Variants in DYNC2H1 observed in about 807,000 individuals in gnomAD.
DYNC2H1 encodes cytoplasmic dynein 2 heavy chain 1.
In DYNC2H1, 410 loss-of-function variants were observed where a neutral mutation model predicts 570.0. The observed-to-expected ratio is 0.72, with a 90% confidence interval of 0.66 to 0.78. The LOEUF is 0.78. Among genes scored for constraint, DYNC2H1 ranks in the 30% least tolerant of loss-of-function variants. DYNC2H1 has a pLI of 0.00. For missense variants in DYNC2H1, 4,865 were observed against 5,046.4 expected (o/e 0.96, Z 1.09); for synonymous variants, 1,688 against 1,677.6 (o/e 1.01, Z -0.15).
intron 47 of DYNC2H1, 37 bp downstream of exon 47, chr11:103,192,301 A>G (rs1482580947): frequency 5.8e-6 from 8 of 1,390,364 alleles, no homozygotes; most frequent in Non-Finnish European, 6.6e-6. Context: ...CATAACTATT[A>G]CAAGGATTTC....
chr11:103,142,699 T>G (rs984421886), intron 17 of DYNC2H1, among the ~76,000 whole-genome samples: 1 of 152,158 alleles, frequency 6.6e-6, no homozygotes, highest in African/African-American at 2.4e-5. Context: ...CAGTTTAGAA[T>G]GTGATATGGT....
At chr11:103,230,938 T>C in intron 59 of DYNC2H1, among the ~76,000 whole-genome samples, 1 of 152,142 alleles carries the variant, frequency 6.6e-6, no homozygotes, top group East Asian at 1.9e-4. Flanking sequence ...TCTGTGCATA[T>C]GTATCTTTCT....
intron 84 of DYNC2H1, among the ~76,000 whole-genome samples, chr11:103,419,750 CT>C (rs1943414956): frequency 6.6e-6 from 1 of 152,136 alleles, no homozygotes; most frequent in Non-Finnish European, 1.5e-5. Flanking sequence ...TGCAACACCT[CT>C]ACTGCAAGGG....
At chr11:103,404,458 C>T (rs1942778131) in intron 84 of DYNC2H1, 1 of 150,216 alleles carries the variant, frequency 6.7e-6, no homozygotes, top group Non-Finnish European at 1.5e-5. Flanking sequence ...ATTAGTATAA[C>T]TGCTGCTAGT....
intron 83 of DYNC2H1, among the ~76,000 whole-genome samples, chr11:103,386,441 T>C (rs1237084067): frequency 6.9e-6 from 1 of 145,038 alleles, no homozygotes; most frequent in Non-Finnish European, 1.5e-5. Flanking sequence ...CCTCATACTT[T>C]AAAACACACC....
At chr11:103,356,359 A>G (rs1185175361) in intron 82 of DYNC2H1, among the ~76,000 whole-genome samples, 3 of 152,204 alleles carry the variant, frequency 2.0e-5, no homozygotes, top group Non-Finnish European at 4.4e-5. Flanking sequence ...TTTAAAAATT[A>G]TGATAGTATT....
rs1860045814 is a variant in DYNC2H1 at position 103,143,121 on chromosome 11, G to A, written c.2575-147G>A. 3 of 682,630 alleles carry A rather than the reference G, an allele frequency of 4.4e-6. No individual in the cohort carries two copies. In the East Asian group the frequency reaches 8.7e-5, roughly 20 times the overall value. 42.3% of individuals were successfully genotyped at this position (682,630 alleles called of 1,614,324 possible). ...TTTTTCTGTTTATTCTTTAGGCTGT[G>A]CAGTAATGATTATATTACTTAAATT... On this transcript the variant is annotated intron_variant, in intron 17 of 88. Transcript: ENST00000375735.
intron 63 of DYNC2H1, among the ~76,000 whole-genome samples, chr11:103,242,211 A>G (rs774766339): frequency 6.6e-6 from 1 of 152,170 alleles, no homozygotes; most frequent in Non-Finnish European, 1.5e-5. Context: ...ACATGCATAT[A>G]TATACATACA....
At chr11:103,224,050 A>G (rs1325304503) in intron 59 of DYNC2H1, among the ~76,000 whole-genome samples, 1 of 152,030 alleles carries the variant, frequency 6.6e-6, no homozygotes, top group Non-Finnish European at 1.5e-5. Context: ...CTTGCTGGAA[A>G]TTTAAGGCTT....
In DYNC2H1 at chr11:103,154,661, G is replaced by A. The variant is rs574945270; in HGVS notation, c.3459-34G>A. On this transcript the variant is annotated intron_variant, in intron 23 of 88. Transcript: ENST00000375735. Reference sequence around the variant, plus strand: ...TAATTTGGTTGTTTTATTTTTGGATGTAATCTTTGCAATGTGTTTTTGGTA... The same window carrying A: ...TAATTTGGTTGTTTTATTTTTGGATATAATCTTTGCAATGTGTTTTTGGTA... The A allele has an allele frequency of 1.9e-5, 30 of 1,566,714 alleles. No individual in the cohort carries two copies. The East Asian group carries it at 6.0e-4, about 31-fold the overall frequency.
intron 84 of DYNC2H1, among the ~76,000 whole-genome samples, chr11:103,408,683 T>C (rs1314150105): frequency 6.6e-6 from 1 of 152,032 alleles, no homozygotes; most frequent in African/African-American, 2.4e-5. Context: ...TGATCCAACA[T>C]TGAGGTCGTA....
intron 40 of DYNC2H1, among the ~76,000 whole-genome samples, chr11:103,182,917 G>A (rs1361795342): frequency 6.6e-6 from 1 of 151,848 alleles, no homozygotes; most frequent in Non-Finnish European, 1.5e-5. Context: ...TGGAGGAATA[G>A]GGATTTGTGA....
chr11:103,217,915 G>A (rs947726732), intron 55 of DYNC2H1, among the ~76,000 whole-genome samples: 4 of 152,066 alleles, frequency 2.6e-5, no homozygotes, highest in Non-Finnish European at 5.9e-5. Flanking sequence ...ATTTGAGCAG[G>A]CCATTTATGA....
At chr11:103,233,995 A>T in intron 60 of DYNC2H1, 39 bp from the exon 61 acceptor site, 1 of 1,537,402 alleles carries the variant, frequency 6.5e-7, no homozygotes, top group Non-Finnish European at 8.8e-7. Flanking sequence ...TCTCTCCCAA[A>T]TCCTTTTTGC....
Position 103,384,876 on chromosome 11 carries a change from A to T in DYNC2H1, c.12157-14787A>T, listed in dbSNP as rs1314514585. On this transcript the variant is annotated intron_variant, in intron 83 of 88. Transcript: ENST00000375735. ...CACTTTGCATCTGCTTATAGTGTAG[A>T]AAGTATCTTTTGGTTGTGAACTCTT... is the stretch of plus-strand genomic sequence containing the variant. Among the ~76,000 whole-genome samples the T allele has an allele frequency of 2.6e-5, 4 of 152,140 alleles. No individual in the cohort carries two copies. The East Asian group carries it at 7.7e-4, about 29-fold the overall frequency.
At chr11:103,381,912 C>T (rs1941664768) in intron 83 of DYNC2H1, among the ~76,000 whole-genome samples, 1 of 152,168 alleles carries the variant, frequency 6.6e-6, no homozygotes, top group Non-Finnish European at 1.5e-5. Flanking sequence ...TTCAAATACA[C>T]ATTTTAACAT....
intron 87 of DYNC2H1, among the ~76,000 whole-genome samples, chr11:103,457,569 A>AAATAATG (rs1555139464): frequency 6.8e-6 from 1 of 147,700 alleles, no homozygotes; most frequent in Non-Finnish European, 1.5e-5. Context: ...AAAAACTTAA[A>AAATAATG]AAATAATGAT....
At chr11:103,466,232 T>C (rs1257156515) in intron 87 of DYNC2H1, among the ~76,000 whole-genome samples, 5 of 152,186 alleles carry the variant, frequency 3.3e-5, no homozygotes, top group African/African-American at 1.2e-4. Flanking sequence ...AATTGCTCAC[T>C]CATTTAGAAA....
chr11:103,457,248 C>G (rs1032555414), intron 87 of DYNC2H1, among the ~76,000 whole-genome samples: 2 of 152,132 alleles, frequency 1.3e-5, no homozygotes, highest in Non-Finnish European at 2.9e-5. Context: ...TATGTATTTA[C>G]TATATAATAC....
Sources: gnomAD v4.1 joint callset for allele counts (sites outside exome capture counted in the v4.1 genomes callset) on GRCh38, gnomAD v4.1.1 for gene constraint, MANE v1.5 for transcripts, NCBI Gene and HGNC (gene_info 2026-07-23, HGNC 2026-07-21) for gene names.